Variants in PPP2R5E observed in about 807,000 individuals in gnomAD.
The protein encoded by PPP2R5E is protein phosphatase 2 regulatory subunit B'epsilon.
Under a neutral mutation model 65.3 loss-of-function variants are expected in PPP2R5E, and 4 were observed. The observed-to-expected ratio is 0.06, with a 90% CI of 0.03 to 0.14. PPP2R5E has a LOEUF of 0.14. PPP2R5E is among the 10% of genes least tolerant of loss of function. The probability of loss-of-function intolerance (pLI) is 1.00; values close to 1 mark genes in which losing one functional copy is unlikely to be tolerated. For synonymous variants in PPP2R5E, 183 were observed against 187.4 expected, an observed-to-expected ratio of 0.98 and a Z score of 0.19; for missense variants, 274 against 556.1, an observed-to-expected ratio of 0.49 and a Z score of 5.10.
intron 2 of PPP2R5E, among the ~76,000 whole-genome samples, chr14:63,487,360 C>T (rs539773474): frequency 7.2e-5 from 11 of 152,044 alleles, no homozygotes; most frequent in Non-Finnish European, 1.3e-4. Context: ...ACCACCCCCC[C>T]CTCTTAAATT....
At chr14:63,433,548 G>A (rs1268717099) in intron 3 of PPP2R5E, among the ~76,000 whole-genome samples, 1 of 152,102 alleles carries the variant, frequency 6.6e-6, no homozygotes, top group Non-Finnish European at 1.5e-5. Flanking sequence ...AGTGCATAAG[G>A]TATCTGGGAA....
intron 2 of PPP2R5E, among the ~76,000 whole-genome samples, chr14:63,475,439 A>T (rs1890360960): frequency 6.6e-6 from 1 of 152,270 alleles, no homozygotes; most frequent in African/African-American, 2.4e-5. Flanking sequence ...ACACTTTACA[A>T]ATACTTAAAT....
At chr14:63,519,141 G>A (rs1892780062) in intron 2 of PPP2R5E, among the ~76,000 whole-genome samples, 1 of 152,056 alleles carries the variant, frequency 6.6e-6, no homozygotes, top group African/African-American at 2.4e-5. Context: ...TTGAACCTGG[G>A]AGGCAGAGGT....
chr14:63,461,611 A>G (rs996225948), intron 2 of PPP2R5E, among the ~76,000 whole-genome samples: 1 of 151,210 alleles, frequency 6.6e-6, no homozygotes, highest in Admixed American at 6.6e-5. Context: ...AGCCTAGGCA[A>G]CACAGCGAGA....
chr14:63,521,962 CCCCTCT>C (rs1351077638), intron 2 of PPP2R5E, among the ~76,000 whole-genome samples: 13,624 of 131,940 alleles, frequency 0.1, 579 homozygotes, highest in Middle Eastern at 0.14. Context: ...CCTCCCCCTC[CCCCTCT>C]CCCCACGGTC....
At chr14:63,488,203 A>ATT (rs34672945) in intron 2 of PPP2R5E, among the ~76,000 whole-genome samples, 10 of 148,216 alleles carry the variant, frequency 6.7e-5, no homozygotes, top group African/African-American at 2.2e-4. Flanking sequence ...TCAGTGAATG[A>ATT]TTTTTTTTTT....
intron 2 of PPP2R5E, among the ~76,000 whole-genome samples, chr14:63,474,443 T>C (rs1890293001): frequency 6.6e-6 from 1 of 152,004 alleles, no homozygotes; most frequent in African/African-American, 2.4e-5. Flanking sequence ...GAGATGTTTA[T>C]AAGACATATA....
At chr14:63,447,725 A>C (rs2139455091) in intron 3 of PPP2R5E, among the ~76,000 whole-genome samples, 1 of 152,340 alleles carries the variant, frequency 6.6e-6, no homozygotes, top group South Asian at 2.1e-4. Context: ...GGTCTGTTTC[A>C]GCTTTTGACA....
chr14:63,423,849 G>C (rs1434110648), intron 3 of PPP2R5E, among the ~76,000 whole-genome samples: 1 of 152,238 alleles, frequency 6.6e-6, no homozygotes, highest in Non-Finnish European at 1.5e-5. Context: ...CTATATTCTA[G>C]TTAAAGCCAC....
At chr14:63,504,485 G>C (rs1341290788) in intron 2 of PPP2R5E, among the ~76,000 whole-genome samples, 1 of 152,200 alleles carries the variant, frequency 6.6e-6, no homozygotes, top group East Asian at 1.9e-4. Flanking sequence ...GGGAGGCTGA[G>C]GCAGGAAAAT....
chr14:63,497,503 A>G (rs1315895163), intron 2 of PPP2R5E, among the ~76,000 whole-genome samples: 1 of 152,116 alleles, frequency 6.6e-6, no homozygotes, highest in Non-Finnish European at 1.5e-5. Context: ...CTGTAATTCT[A>G]GCACTTTGGG....
At chr14:63,510,411 G>A (rs1423917377) in intron 2 of PPP2R5E, among the ~76,000 whole-genome samples, 1 of 152,248 alleles carries the variant, frequency 6.6e-6, no homozygotes, top group Non-Finnish European at 1.5e-5. Flanking sequence ...CATGGAGCAT[G>A]CAGTCTAACT....
rs1307251585 is a variant in PPP2R5E, at chr14:63,450,293, T to A, written c.354+3396A>T. ...GAAATCACCAAATATGAAAAATAAGTTATACTTCTAAGAAGCCGAAACTAC... is the reference window on the plus strand; with the variant it reads ...GAAATCACCAAATATGAAAAATAAGATATACTTCTAAGAAGCCGAAACTAC... On this transcript the variant is annotated intron_variant, in intron 3 of 13. Coordinates refer to ENST00000337537, the MANE Select transcript of PPP2R5E (RefSeq NM_006246.5). Among the ~76,000 whole-genome samples, 3 of 152,194 alleles carry A rather than the reference T, an allele frequency of 2.0e-5. No homozygotes were observed. The East Asian group carries it at 5.8e-4, about 29-fold the overall frequency.
intron 2 of PPP2R5E, among the ~76,000 whole-genome samples, chr14:63,492,493 T>G (rs1031222678): frequency 4.6e-5 from 7 of 152,140 alleles, no homozygotes; most frequent in Non-Finnish European, 7.4e-5. Context: ...ATAAAAATTT[T>G]TAAAGGGTCA....
chr14:63,535,548 A>T (rs1893644143), intron 2 of PPP2R5E, among the ~76,000 whole-genome samples: 1 of 152,260 alleles, frequency 6.6e-6, no homozygotes, highest in African/African-American at 2.4e-5. Context: ...ATTATGATGC[A>T]TATAATAAAC....
intron 2 of PPP2R5E, among the ~76,000 whole-genome samples, chr14:63,502,147 G>A (rs1891921275): frequency 6.6e-6 from 1 of 152,094 alleles, no homozygotes; most frequent in African/African-American, 2.4e-5. Context: ...CACCTGCCCT[G>A]GTCTCCCAAA....
chr14:63,500,668 A>G (rs191456656), intron 2 of PPP2R5E, among the ~76,000 whole-genome samples: 1 of 152,242 alleles, frequency 6.6e-6, no homozygotes, highest in Non-Finnish European at 1.5e-5. Context: ...ATAGAGCAAC[A>G]TAGATAGGCA....
At chr14:63,517,662 A>C (rs192585793) in intron 2 of PPP2R5E, among the ~76,000 whole-genome samples, 1 of 152,352 alleles carries the variant, frequency 6.6e-6, no homozygotes, top group East Asian at 1.9e-4. Context: ...AATTCTCAAT[A>C]ATTTAAATTA....
At chr14:63,530,630 C>CTTTT (rs954359159) in intron 2 of PPP2R5E, among the ~76,000 whole-genome samples, 136 of 81,298 alleles carry the variant, frequency 1.7e-3, no homozygotes, top group Non-Finnish European at 2.3e-3. Context: ...CTCTCAATTT[C>CTTTT]TTTTTTTTTT....
Sources: allele counts gnomAD v4.1 joint callset (sites outside exome capture counted in the v4.1 genomes callset), GRCh38; gene constraint gnomAD v4.1.1; transcripts MANE v1.5; gene names NCBI Gene and HGNC (gene_info 2026-07-23, HGNC 2026-07-21).